The following CLASP1 variants were observed in gnomAD, a reference collection of about 807,000 sequenced individuals.
CLASP1 encodes the protein cytoplasmic linker associated protein 1.
Under a neutral mutation model 192.3 loss-of-function variants are expected in CLASP1, and 38 were observed. The observed-to-expected ratio is 0.20, with a 90% CI of 0.15 to 0.26. The LOEUF is 0.26. CLASP1 is among the 10% of genes least tolerant of loss of function. CLASP1 has a pLI of 1.00. For synonymous variants in CLASP1, 691 were observed against 712.8 expected, an observed-to-expected ratio of 0.97 and a Z score of 0.49; for missense variants, 1,433 against 1,932.5, an observed-to-expected ratio of 0.74 and a Z score of 4.85.
chr2:121,471,432 C>A (rs562106585), intron 8 of CLASP1, among the ~76,000 whole-genome samples: 1 of 152,110 alleles, frequency 6.6e-6, no homozygotes, highest in South Asian at 2.1e-4. Flanking sequence ...ATAAAAAAAA[C>A]AACATCTGTA....
chr2:121,404,529 C>A (rs1292917358), intron 25 of CLASP1, 95 bp from the exon 27 acceptor site: 1 of 1,081,672 alleles, frequency 9.2e-7, no homozygotes, highest in Non-Finnish European at 1.4e-6. Context: ...TGCAGTGGTG[C>A]GATCATAGCT....
At chr2:121,567,013 G>A (rs1246645160) in intron 2 of CLASP1, among the ~76,000 whole-genome samples, 1 of 152,108 alleles carries the variant, frequency 6.6e-6, no homozygotes, top group Admixed American at 6.5e-5. Context: ...GAAGAGTTTG[G>A]GTTCTGAACA....
chr2:121,610,215 G>A (rs1008538023), intron 1 of CLASP1, among the ~76,000 whole-genome samples: 4 of 152,078 alleles, frequency 2.6e-5, no homozygotes, highest in Admixed American at 6.6e-5. Context: ...AGGAGCTGGA[G>A]GAGAAGGAGA....
At chr2:121,592,576 A>G (rs190807288) in intron 2 of CLASP1, among the ~76,000 whole-genome samples, 58 of 152,354 alleles carry the variant, frequency 3.8e-4, no homozygotes, top group South Asian at 2.1e-3. Flanking sequence ...TATGAAGCCA[A>G]CTAATAAATG....
exon 40 of CLASP1, chr2:121,339,131 C>CAA (rs1330342670): frequency 7.0e-6 from 1 of 143,514 alleles, no homozygotes; most frequent in African/African-American, 2.6e-5. Context: ...ACACACAACA[C>CAA]CACACACACA....
chr2:121,441,850 C>A (rs996440167), intron 19 of CLASP1, among the ~76,000 whole-genome samples: 2 of 152,082 alleles, frequency 1.3e-5, no homozygotes, highest in Non-Finnish European at 2.9e-5. Context: ...GTAAAAAGGA[C>A]AATTACCTAA....
In CLASP1 at chr2:121,425,132, T is replaced by C; in HGVS notation, c.2212+7A>G. On this transcript the variant is annotated splice_region_variant and intron_variant, in intron 22 of 39. Transcript: ENST00000263710. ...AATGGTATTCCAAGATCTTTGAGAA[T>C]CCTTACCTAATCCTATTCGGTTTGG... is the stretch of plus-strand genomic sequence containing the variant. The C allele has an allele frequency of 6.2e-7, 1 of 1,600,410 alleles. No homozygotes were observed. Among genetic ancestry groups the C allele is most frequent in the South Asian group, 1.1e-5 (1 of 88,748 alleles).
At chr2:121,432,536 G>C (rs1322918595) in intron 19 of CLASP1, among the ~76,000 whole-genome samples, 1 of 152,156 alleles carries the variant, frequency 6.6e-6, no homozygotes. Context: ...AACGCCTGTT[G>C]AAATGTTGAC....
intron 8 of CLASP1, among the ~76,000 whole-genome samples, chr2:121,491,873 T>C (rs879383084): frequency 1.3e-5 from 2 of 152,238 alleles, no homozygotes; most frequent in Non-Finnish European, 2.9e-5. Context: ...ATGGGTTTCA[T>C]ATAAATATTA....
intron 14 of CLASP1, among the ~76,000 whole-genome samples, chr2:121,457,458 T>TACACACACACACAC (rs112547655): frequency 4.9e-5 from 7 of 143,450 alleles, no homozygotes; most frequent in African/African-American, 1.8e-4. Context: ...CACACAGACA[T>TACACACACACACAC]ACACACACAC....
intron 39 of CLASP1, among the ~76,000 whole-genome samples, chr2:121,341,588 AT>A (rs1328536094): frequency 1.3e-5 from 2 of 152,262 alleles, no homozygotes; most frequent in African/African-American, 4.8e-5. Flanking sequence ...ATGAAAGGAT[AT>A]AAAAAGATAT....
At chr2:121,448,154 T>C in intron 18 of CLASP1, 122 bp downstream of exon 18, 1 of 813,876 alleles carries the variant, frequency 1.2e-6, no homozygotes, top group Admixed American at 2.0e-5. Context: ...GCAGGCAACA[T>C]TCAAGCCTAA....
intron 1 of CLASP1, among the ~76,000 whole-genome samples, chr2:121,646,133 G>A (rs1331555211): frequency 6.6e-6 from 1 of 152,050 alleles, no homozygotes; most frequent in Non-Finnish European, 1.5e-5. Context: ...TTTGTTTTTA[G>A]ACAAGGTATC....
At chr2:121,399,974 T>G (rs1157693573) in intron 28 of CLASP1, among the ~76,000 whole-genome samples, 2 of 152,082 alleles carry the variant, frequency 1.3e-5, no homozygotes, top group African/African-American at 4.8e-5. Flanking sequence ...ACTGAGCCCA[T>G]GTCCCAATGT....
intron 8 of CLASP1, among the ~76,000 whole-genome samples, chr2:121,487,582 T>C (rs1468619474): frequency 9.9e-5 from 15 of 152,186 alleles, no homozygotes; most frequent in Admixed American, 9.8e-4. Context: ...TCAATGACCT[T>C]GACATGGTTA....
intron 35 of CLASP1, among the ~76,000 whole-genome samples, chr2:121,365,597 T>C (rs1179178379): frequency 6.6e-6 from 1 of 152,198 alleles, no homozygotes; most frequent in African/African-American, 2.4e-5. Flanking sequence ...AATGCCTGTA[T>C]CCGCCAAAGC....
chr2:121,358,801 C>G (rs2065857075), intron 37 of CLASP1, among the ~76,000 whole-genome samples: 1 of 152,216 alleles, frequency 6.6e-6, no homozygotes, highest in African/African-American at 2.4e-5. Context: ...CTTCCCAAAA[C>G]AAGCCAAACC....
intron 2 of CLASP1, among the ~76,000 whole-genome samples, chr2:121,554,453 G>GT (rs1491568159): frequency 5.3e-5 from 1 of 19,010 alleles, no homozygotes; most frequent in Non-Finnish European, 7.8e-5. Flanking sequence ...TCTACAAAAA[G>GT]TAAAAAAAAA....
chr2:121,585,803 A>G (rs2061656714), intron 2 of CLASP1, among the ~76,000 whole-genome samples: 1 of 151,848 alleles, frequency 6.6e-6, no homozygotes, highest in Non-Finnish European at 1.5e-5. Flanking sequence ...AGACTGAGCC[A>G]GGAGAATCGC....
Sources: allele counts gnomAD v4.1 joint callset (sites outside exome capture counted in the v4.1 genomes callset), GRCh38; gene constraint gnomAD v4.1.1; transcripts MANE v1.5; gene names NCBI Gene and HGNC (gene_info 2026-07-23, HGNC 2026-07-21).